The following SESTD1 variants were observed in gnomAD, a reference collection of about 807,000 sequenced individuals.
SESTD1 encodes the protein SEC14 and spectrin domain containing 1.
A neutral mutation model predicts 101.7 loss-of-function variants in SESTD1; 43 were observed. The ratio of observed to expected loss-of-function variants is 0.42; its 90% CI spans 0.33 to 0.55. The LOEUF (loss-of-function observed/expected upper bound fraction) is 0.55, where lower values mean the gene tolerates loss of function less well. Among genes scored for constraint, SESTD1 ranks in the 20% least tolerant of loss-of-function variants. The probability of loss-of-function intolerance (pLI) is 0.07; values close to 1 mark genes in which losing one functional copy is unlikely to be tolerated. For missense variants in SESTD1, 647 were observed against 815.1 expected (o/e 0.79, Z 2.51); for synonymous variants, 283 against 286.8 (o/e 0.99, Z 0.13).
intron 1 of SESTD1, among the ~76,000 whole-genome samples, chr2:179,193,336 G>A (rs1202619543): frequency 6.6e-6 from 1 of 152,144 alleles, no homozygotes; most frequent in African/African-American, 2.4e-5. Flanking sequence ...TTGAATATTT[G>A]CGATTTGTTT....
At chr2:179,223,164 A>G (rs1349786290) in intron 1 of SESTD1, among the ~76,000 whole-genome samples, 1 of 152,164 alleles carries the variant, frequency 6.6e-6, no homozygotes, top group East Asian at 1.9e-4. Flanking sequence ...TAGAAAACAT[A>G]CTAAGTGAAA....
chr2:179,205,584 GC>G lies in SESTD1; in HGVS notation c.-25-13719del, dbSNP rs2046580222. Among the ~76,000 whole-genome samples the G allele has an allele frequency of 1.5e-5, 2 of 135,054 alleles. 1 individual carries two copies. Among genetic ancestry groups the G allele is most frequent in the African/African-American group, 5.8e-5 (2 of 34,256 alleles). 88.6% of individuals were successfully genotyped at this position (135,054 alleles called of 152,430 possible). On this transcript the variant is annotated intron_variant, in intron 1 of 17. Transcript: ENST00000428443. ...ACTAACTATCTCCTGAGAGATGGGT[GC>G]TTTATCCAACCTTTCCTTTACACAA... is the stretch of plus-strand genomic sequence containing the variant.
intron 10 of SESTD1, among the ~76,000 whole-genome samples, chr2:179,125,045 C>T (rs1236065679): frequency 1.3e-5 from 2 of 152,166 alleles, no homozygotes; most frequent in Non-Finnish European, 2.9e-5. Context: ...TTCTTAGTGA[C>T]TTCCACTACA....
rs527619816 is a variant in SESTD1, at chr2:179,237,321, T to C, written c.-26+27178A>G. Reference sequence around the variant, plus strand: ...TGTCTTCTTGTGTTTTAATACCCCATTCTCCTGGTTTTTCCGATGACCTTC... The same window carrying C: ...TGTCTTCTTGTGTTTTAATACCCCACTCTCCTGGTTTTTCCGATGACCTTC... On this transcript the variant is annotated intron_variant, in intron 1 of 17. Coordinates refer to ENST00000428443, the MANE Select transcript of SESTD1 (RefSeq NM_178123.5). Among the ~76,000 whole-genome samples, 3 of 152,162 alleles carry C rather than the reference T, an allele frequency of 2.0e-5. No individual in the cohort carries two copies. In the South Asian group the frequency reaches 6.2e-4, roughly 31 times the overall value.
Position 179,152,573 on chromosome 2 carries a change from A to G in SESTD1, c.370-1182T>C, listed in dbSNP as rs184187089. Among the ~76,000 whole-genome samples the G allele has an allele frequency of 3.9e-4, 59 of 152,290 alleles. No individual in the cohort carries two copies. In the East Asian group the frequency reaches 6.4e-3, roughly 16 times the overall value. On this transcript the variant is annotated intron_variant, in intron 5 of 17. Coordinates refer to ENST00000428443, the MANE Select transcript of SESTD1 (RefSeq NM_178123.5). ...AGACAAATGAAAAATTTAGAAACAG[A>G]CACAATATGTAAAACAAGGTACATC...
intron 5 of SESTD1, among the ~76,000 whole-genome samples, chr2:179,158,192 C>A (rs775631247): frequency 2.9e-4 from 44 of 152,258 alleles, no homozygotes; most frequent in Non-Finnish European, 5.7e-4. Flanking sequence ...TTTGAAGAAG[C>A]CACCTTCATT....
intron 6 of SESTD1, among the ~76,000 whole-genome samples, chr2:179,150,879 C>T (rs2045511136): frequency 6.6e-6 from 1 of 152,058 alleles, no homozygotes. Context: ...ACAACCTTTA[C>T]TGATGCTACT....
chr2:179,262,046 A>G (rs969000406), intron 1 of SESTD1, among the ~76,000 whole-genome samples: 1 of 152,218 alleles, frequency 6.6e-6, no homozygotes, highest in African/African-American at 2.4e-5. Context: ...CATAAAAGGA[A>G]TGAAATATTG....
intron 7 of SESTD1, 56 bp downstream of exon 7, chr2:179,149,241 T>C: frequency 8.0e-7 from 1 of 1,246,196 alleles, no homozygotes; most frequent in Non-Finnish European, 1.1e-6. Context: ...GAGATATCTT[T>C]TATCAGAATA....
intron 1 of SESTD1, among the ~76,000 whole-genome samples, chr2:179,201,954 AAT>A (rs1310037879): frequency 3.1e-5 from 4 of 128,054 alleles, no homozygotes; most frequent in Non-Finnish European, 6.6e-5. Context: ...TAATAATAAT[AAT>A]AAAGAAAGAG....
intron 2 of SESTD1, among the ~76,000 whole-genome samples, chr2:179,183,697 G>C (rs2046158149): frequency 6.6e-6 from 1 of 151,978 alleles, no homozygotes. Flanking sequence ...ACAGAGCTGG[G>C]GGTATTGGCG....
At chr2:179,118,558 T>TAAA (rs528082370) in intron 13 of SESTD1, among the ~76,000 whole-genome samples, 13 of 151,212 alleles carry the variant, frequency 8.6e-5, no homozygotes, top group East Asian at 7.8e-4. Flanking sequence ...GGCTTTTTTT[T>TAAA]AAAAAAAAAT....
chr2:179,264,559 C>G lies in SESTD1; in HGVS notation c.-86G>C, dbSNP rs1281377444. ...GGGCGTTGGGGAAGACAGGGGAACG[C>G]TAGCGAGGTGCGGGCGGAGGCGGAG... is the stretch of plus-strand genomic sequence containing the variant. On this transcript the variant is annotated 5_prime_UTR_variant, in exon 1 of 18. Coordinates refer to ENST00000428443, the MANE Select transcript of SESTD1 (RefSeq NM_178123.5). 6.6e-6 allele frequency: 1 copy of G among 151,336 alleles called. No individual in the cohort carries two copies. Among genetic ancestry groups the G allele is most frequent in the African/African-American group, 2.4e-5 (1 of 41,084 alleles). The allele number at this position is 151,336 out of a possible 1,614,324, so 9.4% of individuals were successfully genotyped here. A position where few individuals can be genotyped will look rare whatever the true frequency, so the allele number is the denominator to read the frequency against.
At chr2:179,147,673 T>C (rs2045426469) in intron 7 of SESTD1, among the ~76,000 whole-genome samples, 1 of 152,068 alleles carries the variant, frequency 6.6e-6, no homozygotes. Context: ...ACAAGATATG[T>C]TTTAAGGAAG....
intron 5 of SESTD1, among the ~76,000 whole-genome samples, chr2:179,154,706 T>C (rs926352665): frequency 6.6e-6 from 1 of 152,136 alleles, no homozygotes; most frequent in Admixed American, 6.5e-5. Context: ...TACTGGAAAC[T>C]CTATAGGACA....
chr2:179,208,272 A>T (rs2046613264), intron 1 of SESTD1, among the ~76,000 whole-genome samples: 1 of 135,716 alleles, frequency 7.4e-6, no homozygotes, highest in South Asian at 2.8e-4. Context: ...GAGGAAGAAG[A>T]GAATTCTAAA....
intron 1 of SESTD1, among the ~76,000 whole-genome samples, chr2:179,239,394 T>G (rs201350342): frequency 1.6e-5 from 2 of 127,134 alleles, no homozygotes; most frequent in Non-Finnish European, 1.7e-5. Flanking sequence ...AAGTACAAGG[T>G]TTTTTTTTTG....
rs1419946050 is a variant in SESTD1, at chr2:179,103,768, G to C, written c.*6131C>G. On this transcript the variant is annotated 3_prime_UTR_variant, in exon 18 of 18. Coordinates refer to ENST00000428443, the MANE Select transcript of SESTD1 (RefSeq NM_178123.5). ...GGACAGGAATTGACTGGAAAGGGCA[G>C]TGTGGAAACTTTCTAGGGTGGTGAT... The C allele has an allele frequency of 2.0e-5, 3 of 152,138 alleles. No homozygotes were observed. Among genetic ancestry groups the C allele is most frequent in the African/African-American group, 7.2e-5 (3 of 41,450 alleles). 9.4% of individuals were successfully genotyped at this position (152,138 alleles called of 1,614,324 possible).
intron 1 of SESTD1, among the ~76,000 whole-genome samples, chr2:179,223,806 T>G (rs2046846241): frequency 2.0e-5 from 3 of 152,210 alleles, no homozygotes; most frequent in Non-Finnish European, 4.4e-5. Flanking sequence ...TCATAGATTG[T>G]CCAAACTATC....
Sources: allele counts gnomAD v4.1 joint callset (sites outside exome capture counted in the v4.1 genomes callset), GRCh38; gene constraint gnomAD v4.1.1; transcripts MANE v1.5; gene names NCBI Gene and HGNC (gene_info 2026-07-23, HGNC 2026-07-21).